Variants in AARSD1 observed in about 807,000 individuals in gnomAD.
AARSD1 encodes the protein alanyl-tRNA synthetase domain containing 1.
AARSD1 carries 44 observed loss-of-function variants against 48.7 expected under a neutral mutation model. The observed-to-expected ratio is 0.90, with a 90% CI of 0.71 to 1.16. The LOEUF is 1.16. Among genes scored for constraint, AARSD1 ranks in the 50% most tolerant of loss-of-function variants. AARSD1 has a pLI of 0.00. For missense variants in AARSD1, 511 were observed against 523.1 expected, an observed-to-expected ratio of 0.98 and a Z score of 0.23; for synonymous variants, 189 against 194.9, an observed-to-expected ratio of 0.97 and a Z score of 0.25.
At chr17:42,952,162 T>C (rs557580247) in intron 10 of AARSD1, 2 of 451,684 alleles carry the variant, frequency 4.4e-6, no homozygotes, top group South Asian at 5.2e-5. Context: ...TTTCATGGTT[T>C]CACTCTTGCA....
At position 42,955,931 on chromosome 17, in the gene AARSD1, T is replaced by C. The variant is rs2151941047; in HGVS notation, c.705A>G (p.Arg235=). ...ILGTEKGKKN[R]TNLIFLSGNR... Reference sequence around the variant, plus strand: ...TCCCAGACAGAAATATCAGGTTGGTTCTGTTCTTTTTCCCCTTCTCAGTGC... The same window carrying C: ...TCCCAGACAGAAATATCAGGTTGGTCCTGTTCTTTTTCCCCTTCTCAGTGC... Residue 235 remains arginine, a synonymous_variant, in exon 7 of 12, where the codon AGA becomes AGG. Transcript: ENST00000427569. The C allele has an allele frequency of 6.2e-7, 1 of 1,614,084 alleles. No homozygotes were observed. Among genetic ancestry groups the C allele is most frequent in the East Asian group, 2.2e-5 (1 of 44,884 alleles).
intron 3 of AARSD1, among the ~76,000 whole-genome samples, chr17:42,959,946 G>T (rs1020976629): frequency 6.6e-6 from 1 of 151,946 alleles, no homozygotes; most frequent in Admixed American, 6.6e-5. Flanking sequence ...ACAGGCGTGA[G>T]CCACCGCACC....
Position 42,964,382 on chromosome 17 carries a change from G to A in AARSD1, c.39+20C>T. On this transcript the variant is annotated intron_variant, in intron 1 of 11. Coordinates refer to ENST00000427569, the MANE Select transcript of AARSD1 (RefSeq NM_001261434.2). Reference sequence around the variant, plus strand: ...CCTTGCCGGCCCGGCAGTCTCAAGTGCCTCGCCGTGACGCCGTACCTCTCG... The same window carrying A: ...CCTTGCCGGCCCGGCAGTCTCAAGTACCTCGCCGTGACGCCGTACCTCTCG... 1 of 1,555,176 alleles carries A rather than the reference G, an allele frequency of 6.4e-7. No homozygotes were observed. The highest frequency in any genetic ancestry group is 8.7e-7 in the Non-Finnish European group (1 of 1,149,338).
intron 2 of AARSD1, chr17:42,962,212 A>G (rs1470317286): frequency 9.9e-6 from 3 of 302,284 alleles, no homozygotes; most frequent in Non-Finnish European, 2.1e-5. Flanking sequence ...AGGCAGGGGA[A>G]TTGCTTGAAC....
intron 10 of AARSD1, 102 bp from the exon 11 acceptor site, chr17:42,951,996 CT>C (rs1332600698): frequency 7.6e-7 from 1 of 1,314,986 alleles, no homozygotes; most frequent in Non-Finnish European, 1.1e-6. Flanking sequence ...TTATTTCCCC[CT>C]AAACCACCAA....
Position 42,951,790 on chromosome 17 carries a change from A to G in AARSD1, c.1103+10T>C. The G allele has an allele frequency of 6.2e-7, 1 of 1,614,064 alleles. No individual in the cohort carries two copies. The highest frequency in any genetic ancestry group is 8.5e-7 in the Non-Finnish European group (1 of 1,179,976). The stretch of plus-strand genomic sequence containing the variant: ...CTACTACATGTGCAAGAGAGTCCAC[A>G]AAGAATTACCTGGGCCCCAGGGTCT... On this transcript the variant is annotated intron_variant, in intron 11 of 11. Coordinates refer to ENST00000427569, the MANE Select transcript of AARSD1 (RefSeq NM_001261434.2).
At chr17:42,955,570 C>G (rs2049537602) in intron 7 of AARSD1, 1 of 470,504 alleles carries the variant, frequency 2.1e-6, no homozygotes, top group Non-Finnish European at 3.7e-6. Context: ...TCTCGAGTAG[C>G]TGGGACTACA....
rs1293529918 is a variant in AARSD1, at chr17:42,955,888, T to A, written c.748A>T (p.Met250Leu). Residue 250 changes from methionine to leucine, a missense_variant, in exon 7 of 12, where the codon ATG becomes TTG. Transcript: ENST00000427569. ...FLSGNRVLKW[M>L]ERSHGTEKAL... ...TTTTCAGTTCCATGACTTCTCTCCA[T>A]CCACTTCAGCACCCGGTTCCCAGAC... 6.2e-7 allele frequency: 1 copy of A among 1,614,006 alleles called. No homozygotes were observed. Among genetic ancestry groups the A allele is most frequent in the Non-Finnish European group, 8.5e-7 (1 of 1,180,030 alleles).
rs371371802 is a variant in AARSD1 at position 42,950,655 on chromosome 17, G to A, written c.1177C>T (p.Arg393Trp). ...AGAAGCGCCTGCGCCTCCATCCGCC[G>A]GCTCATCTTGGTGGCCTTGCCCTGA... ...RFQGKATKMS[R>W]RMEAQALLQD... The change falls in exon 12 of 12, where the codon CGG becomes TGG. Residue 393 changes from arginine (R) to tryptophan (W), a missense_variant. Transcript: ENST00000427569. 135 of 1,613,960 alleles carry A rather than the reference G, an allele frequency of 8.4e-5. No homozygotes were observed. The highest frequency in any genetic ancestry group is 1.1e-4 in the Non-Finnish European group (128 of 1,179,986).
At position 42,953,823 on chromosome 17, in the gene AARSD1, C is replaced by T. The variant is rs745644636; in HGVS notation, c.954-45G>A. On this transcript the variant is annotated intron_variant, in intron 9 of 11. Transcript: ENST00000427569. The stretch of plus-strand genomic sequence containing the variant: ...CATGAGACCCAGGTTGGAGTGGTGG[C>T]TGTGAAACTGCAGGAAGCCTGGCCC... The T allele has an allele frequency of 8.1e-6, 13 of 1,613,490 alleles. 1 individual carries two copies. The Middle Eastern group carries it at 6.6e-4, about 82-fold the overall frequency.
intron 2 of AARSD1, among the ~76,000 whole-genome samples, 183 bp downstream of exon 2, chr17:42,963,923 A>G (rs1215751072): frequency 6.6e-6 from 1 of 152,220 alleles, no homozygotes; most frequent in Non-Finnish European, 1.5e-5. Flanking sequence ...AGCCTGGAAT[A>G]ATATCTAGCA....
intron 10 of AARSD1, 130 bp downstream of exon 10, chr17:42,953,594 A>G (rs2049507330): frequency 8.4e-7 from 1 of 1,192,466 alleles, no homozygotes; most frequent in African/African-American, 1.5e-5. Flanking sequence ...AGAAAACAGT[A>G]TTGAATGAAT....
chr17:42,951,557 A>G (rs2049478909), intron 11 of AARSD1, among the ~76,000 whole-genome samples: 1 of 152,188 alleles, frequency 6.6e-6, no homozygotes, highest in Non-Finnish European at 1.5e-5. Context: ...CTCAAAAAAC[A>G]AAAACAAACA....
In AARSD1 at chr17:42,959,719, A is replaced by G. The variant is rs537080096; in HGVS notation, c.331+1473T>C. ...TCGCTCTGTCGCCAGGCTGGAGTGC[A>G]GTGGCGCGATCTCGGCTCACTGCAA... On this transcript the variant is annotated intron_variant, in intron 3 of 11. Coordinates refer to ENST00000427569, the MANE Select transcript of AARSD1 (RefSeq NM_001261434.2). Among the ~76,000 whole-genome samples the G allele has an allele frequency of 3.2e-4, 48 of 150,308 alleles. No individual in the cohort carries two copies. The South Asian group carries it at 9.9e-3, about 31-fold the overall frequency.
At position 42,951,838 on chromosome 17, in the gene AARSD1, C is replaced by A. The variant is rs1272512391; in HGVS notation, c.1065G>T (p.Leu355=). 3 of 1,614,186 alleles carry A rather than the reference C, an allele frequency of 1.9e-6. No homozygotes were observed. ...TCTCCACAGACGCAGGTGGCCCTGC[C>A]AGTAAGAAGAGTCCACCACCTTTCT... The part of the protein sequence containing the change: ...GDEKGGGLFL[L]AGPPASVETL... The change falls in exon 11 of 12, where the codon CTG becomes CTT. Residue 355 remains leucine, a synonymous_variant. Coordinates refer to ENST00000427569, the MANE Select transcript of AARSD1 (RefSeq NM_001261434.2).
intron 3 of AARSD1, among the ~76,000 whole-genome samples, chr17:42,957,922 G>A (rs1023900336): frequency 2.6e-5 from 4 of 152,128 alleles, no homozygotes; most frequent in African/African-American, 9.7e-5. Flanking sequence ...AGAGGAGGAG[G>A]AAGAAAAGGA....
At chr17:42,963,985 C>T (rs1420869894) in intron 2 of AARSD1, 121 bp downstream of exon 2, 2 of 1,499,196 alleles carry the variant, frequency 1.3e-6, no homozygotes, top group Admixed American at 2.2e-5. Flanking sequence ...AAATGAATAA[C>T]AAAATGAATT....
chr17:42,959,191 T>A (rs1052513518), intron 3 of AARSD1, among the ~76,000 whole-genome samples: 2 of 125,672 alleles, frequency 1.6e-5, no homozygotes, highest in African/African-American at 6.1e-5. Flanking sequence ...AGCGAGACTT[T>A]GTCTCAAAAA....
intron 6 of AARSD1, 105 bp from the exon 7 acceptor site, chr17:42,956,077 C>CT (rs2049546450): frequency 1.2e-6 from 2 of 1,609,646 alleles, no homozygotes; most frequent in Admixed American, 1.7e-5. Context: ...TTCCTCAGCT[C>CT]TGAAACAGTG....
Sources: gnomAD v4.1 joint callset for allele counts (sites outside exome capture counted in the v4.1 genomes callset) on GRCh38, gnomAD v4.1.1 for gene constraint, MANE v1.5 for transcripts, NCBI Gene and HGNC (gene_info 2026-07-23, HGNC 2026-07-21) for gene names.